Variants in GALNTL6 observed in about 807,000 individuals in gnomAD.
The protein encoded by GALNTL6 is polypeptide N-acetylgalactosaminyltransferase-like 6.
GALNTL6 carries 46 observed loss-of-function variants against 73.7 expected under a neutral mutation model. That is an observed-to-expected ratio of 0.62 (90% CI 0.49 to 0.80). The LOEUF (loss-of-function observed/expected upper bound fraction) is 0.80, where lower values mean the gene tolerates loss of function less well. Among genes scored for constraint, GALNTL6 ranks in the 30% least tolerant of loss-of-function variants. GALNTL6 has a pLI of 0.00. For synonymous variants in GALNTL6, 259 were observed against 263.7 expected, an observed-to-expected ratio of 0.98 and a Z score of 0.17; for missense variants, 604 against 755.0, an observed-to-expected ratio of 0.80 and a Z score of 2.34.
At chr4:171,853,298 T>C (rs1051478940) in intron 2 of GALNTL6, among the ~76,000 whole-genome samples, 3 of 151,962 alleles carry the variant, frequency 2.0e-5, no homozygotes, top group African/African-American at 7.2e-5. Flanking sequence ...ACAGTTTTAT[T>C]TAAAACTCAG....
At chr4:172,254,577 C>T (rs947051822) in intron 3 of GALNTL6, among the ~76,000 whole-genome samples, 3 of 151,616 alleles carry the variant, frequency 2.0e-5, no homozygotes, top group African/African-American at 7.3e-5. Flanking sequence ...TAACATTGTC[C>T]CCTCTTTCAT....
intron 5 of GALNTL6, among the ~76,000 whole-genome samples, chr4:172,698,913 A>G (rs570353860): frequency 6.6e-6 from 1 of 152,290 alleles, no homozygotes; most frequent in Admixed American, 6.5e-5. Context: ...CCTTTTTTGC[A>G]AGTTCTGTGT....
At chr4:172,293,799 A>G (rs2930204) in intron 3 of GALNTL6, among the ~76,000 whole-genome samples, 80,199 of 151,194 alleles carry the variant, frequency 0.53, 21,848 homozygotes, top group African/African-American at 0.66. Flanking sequence ...ACAAGAATGC[A>G]CATAGTAATC....
At chr4:172,077,182 A>G (rs1731726217) in intron 2 of GALNTL6, among the ~76,000 whole-genome samples, 1 of 152,182 alleles carries the variant, frequency 6.6e-6, no homozygotes, top group Non-Finnish European at 1.5e-5. Context: ...AAATACAGAA[A>G]ATTGGTACTA....
intron 5 of GALNTL6, among the ~76,000 whole-genome samples, chr4:172,405,431 ATATATATATATATTTTTTTTTTTTTTTT>A (rs1157126604): frequency 2.3e-4 from 1 of 4,306 alleles, no homozygotes; most frequent in South Asian, 0.014. Context: ...ATATATATAT[ATATATATATATATTTTTTTTTTTTTTTT>A]TTTTTTTCTC....
intron 2 of GALNTL6, among the ~76,000 whole-genome samples, chr4:171,947,547 T>C (rs915205708): frequency 3.9e-5 from 6 of 152,200 alleles, no homozygotes; most frequent in African/African-American, 1.4e-4. Context: ...AACAGAGTGC[T>C]GACAGGAAAC....
intron 5 of GALNTL6, among the ~76,000 whole-genome samples, chr4:172,698,904 C>CT (rs34936743): frequency 1.4e-4 from 21 of 152,198 alleles, no homozygotes; most frequent in African/African-American, 4.8e-4. Context: ...CCTCCCACGC[C>CT]TTTTTTGCAA....
chr4:172,069,597 C>CATATATGTTATATATATATAACAT lies in GALNTL6; in HGVS notation c.139-160052_139-160029dup, dbSNP rs1731488596. Among the ~76,000 whole-genome samples the CATATATGTTATATATATATAACAT allele has an allele frequency of 1.2e-4, 4 of 33,142 alleles. 1 individual carries two copies. The highest frequency in any genetic ancestry group is 2.5e-4 in the African/African-American group (4 of 15,860). 21.7% of individuals were successfully genotyped at this position (33,142 alleles called of 152,430 possible). On this transcript the variant is annotated intron_variant, in intron 2 of 12. Transcript: ENST00000506823. ...TATGTTATATATTATATATATAACA[C>CATATATGTTATATATATATAACAT]ATATATGTTATATATATATAACATA...
intron 5 of GALNTL6, among the ~76,000 whole-genome samples, chr4:172,574,585 T>C (rs1203844626): frequency 2.6e-5 from 4 of 151,340 alleles, no homozygotes; most frequent in African/African-American, 4.9e-5. Flanking sequence ...GAAAATAAGA[T>C]TGGGGAGAAT....
intron 2 of GALNTL6, among the ~76,000 whole-genome samples, chr4:172,105,964 A>C (rs1732662963): frequency 6.6e-6 from 1 of 152,204 alleles, no homozygotes; most frequent in Non-Finnish European, 1.5e-5. Context: ...AATTGTAAAA[A>C]TGAAAGTTGG....
At chr4:172,907,460 T>G (rs1477680138) in intron 8 of GALNTL6, among the ~76,000 whole-genome samples, 3 of 152,222 alleles carry the variant, frequency 2.0e-5, no homozygotes, top group Admixed American at 2.0e-4. Flanking sequence ...GGATACGTAT[T>G]AACAAATTCA....
chr4:172,075,484 G>C (rs147249615), intron 2 of GALNTL6, among the ~76,000 whole-genome samples: 1 of 151,968 alleles, frequency 6.6e-6, no homozygotes, highest in South Asian at 2.1e-4. Flanking sequence ...ACAGGCGCCT[G>C]CCACCAGGCC....
At chr4:171,879,965 A>T (rs895114780) in intron 2 of GALNTL6, among the ~76,000 whole-genome samples, 4 of 152,166 alleles carry the variant, frequency 2.6e-5, no homozygotes, top group Non-Finnish European at 5.9e-5. Flanking sequence ...ATTAATTGTT[A>T]TGTATTAATA....
intron 2 of GALNTL6, among the ~76,000 whole-genome samples, chr4:171,997,428 A>G (rs904964192): frequency 3.3e-5 from 5 of 152,136 alleles, no homozygotes; most frequent in African/African-American, 1.2e-4. Flanking sequence ...TATTGTAGGT[A>G]GAAAATGAAT....
chr4:172,070,014 C>T (rs1314901833), intron 2 of GALNTL6, among the ~76,000 whole-genome samples: 1 of 108,364 alleles, frequency 9.2e-6, no homozygotes, highest in African/African-American at 3.5e-5. Context: ...CCTCTCTGGC[C>T]TCTTCGATAA....
chr4:172,043,444 T>C (rs1742141638), intron 2 of GALNTL6, among the ~76,000 whole-genome samples: 1 of 152,082 alleles, frequency 6.6e-6, no homozygotes, highest in African/African-American at 2.4e-5. Context: ...TATTAAAAGA[T>C]GGTCACATTT....
Position 172,229,715 on chromosome 4 carries a change from A to G in GALNTL6, c.198A>G (p.Arg66=). Reference sequence around the variant, plus strand: ...ATTCATGGACAGATGGTTTGAGAAGAAAGGACTGGCATGACTATGAAAGCA... The same window carrying G: ...ATTCATGGACAGATGGTTTGAGAAGGAAGGACTGGCATGACTATGAAAGCA... ...QFYSWTDGLR[R]KDWHDYESIQ... is the part of the protein sequence containing the mutation. The change falls in exon 3 of 13, where the codon AGA becomes AGG. Residue 66 remains arginine (R), a synonymous_variant. Coordinates refer to ENST00000506823, the MANE Select transcript of GALNTL6 (RefSeq NM_001034845.3). The G allele has an allele frequency of 6.2e-7, 1 of 1,614,006 alleles. No homozygotes were observed. The highest frequency in any genetic ancestry group is 8.5e-7 in the Non-Finnish European group (1 of 1,179,888).
chr4:172,370,763 G>A (rs10017948), intron 5 of GALNTL6, among the ~76,000 whole-genome samples: 1 of 151,788 alleles, frequency 6.6e-6, no homozygotes. Context: ...CCCTAAGAAG[G>A]TACAAAGTCC....
chr4:172,945,096 A>G (rs1263077670), intron 9 of GALNTL6, among the ~76,000 whole-genome samples: 1 of 152,020 alleles, frequency 6.6e-6, no homozygotes, highest in Non-Finnish European at 1.5e-5. Context: ...TACTATAAGA[A>G]TGAATACATG....
Sources: allele counts gnomAD v4.1 joint callset (sites outside exome capture counted in the v4.1 genomes callset), GRCh38; gene constraint gnomAD v4.1.1; transcripts MANE v1.5; gene names NCBI Gene and HGNC (gene_info 2026-07-23, HGNC 2026-07-21).